SYN3: variants seen among roughly 807,000 people sequenced by gnomAD.
The protein encoded by SYN3 is synapsin III, also known as synapsin-3.
Under a neutral mutation model 65.8 loss-of-function variants are expected in SYN3, and 35 were observed. The observed-to-expected ratio is 0.53, with a 90% CI of 0.41 to 0.70. The LOEUF is 0.70. SYN3 is among the 30% of genes least tolerant of loss of function. SYN3 has a pLI of 0.00. For missense variants in SYN3, 680 were observed against 749.0 expected (o/e 0.91, Z 1.08); for synonymous variants, 270 against 292.9 (o/e 0.92, Z 0.80).
rs548261409 is a variant in SYN3, at chr22:32,565,099, G to A, written c.775-23386C>T. Among the ~76,000 whole-genome samples, 12 of 149,352 alleles carry A rather than the reference G, an allele frequency of 8.0e-5. No individual in the cohort carries two copies. The East Asian group carries it at 2.2e-3, about 28-fold the overall frequency. Reference sequence around the variant, plus strand: ...CTGACTGTACACAAACAGTGCTCCCGGACTGCACCCAGACAGTGCTCCCGG... The same window carrying A: ...CTGACTGTACACAAACAGTGCTCCCAGACTGCACCCAGACAGTGCTCCCGG... On this transcript the variant is annotated intron_variant, in intron 7 of 13. Coordinates refer to ENST00000358763, the MANE Select transcript of SYN3 (RefSeq NM_003490.4).
intron 7 of SYN3, among the ~76,000 whole-genome samples, chr22:32,566,604 T>C (rs181456702): frequency 6.6e-6 from 1 of 152,206 alleles, no homozygotes; most frequent in East Asian, 1.9e-4. Context: ...GAAGACTTTA[T>C]CAGGATTTTC....
At chr22:32,715,393 G>A (rs1403637615) in intron 6 of SYN3, among the ~76,000 whole-genome samples, 1 of 152,132 alleles carries the variant, frequency 6.6e-6, no homozygotes, top group East Asian at 1.9e-4. Flanking sequence ...TATGGCACTG[G>A]TGTTTCCTGA....
intron 2 of SYN3, among the ~76,000 whole-genome samples, chr22:33,001,476 A>G (rs2053057671): frequency 6.6e-6 from 1 of 152,232 alleles, no homozygotes; most frequent in Non-Finnish European, 1.5e-5. Context: ...CAGGACCTAC[A>G]GGGAAGAGTG....
chr22:32,735,282 C>T (rs934864940), intron 6 of SYN3, among the ~76,000 whole-genome samples: 11 of 152,174 alleles, frequency 7.2e-5, no homozygotes, highest in African/African-American at 2.7e-4. Context: ...CTAATTTCCT[C>T]ATCAGCAAGA....
intron 7 of SYN3, among the ~76,000 whole-genome samples, chr22:32,542,630 ATGTGTG>A (rs3838157): frequency 7.4e-5 from 10 of 135,314 alleles, no homozygotes; most frequent in East Asian, 2.2e-4. Context: ...GTTTGTGTGT[ATGTGTG>A]TGTGTGTGTG....
chr22:32,578,702 T>C (rs960614237), intron 7 of SYN3, among the ~76,000 whole-genome samples: 9 of 152,256 alleles, frequency 5.9e-5, no homozygotes, highest in Admixed American at 4.6e-4. Flanking sequence ...GTAAAACTTA[T>C]CTTGGTCAAT....
At chr22:32,693,394 C>T (rs1396075952) in intron 6 of SYN3, among the ~76,000 whole-genome samples, 6 of 152,120 alleles carry the variant, frequency 3.9e-5, no homozygotes, top group Middle Eastern at 3.4e-3. Context: ...GAGATTTCGT[C>T]GTGCTACTCA....
At chr22:32,909,778 G>T (rs893815953) in intron 4 of SYN3, among the ~76,000 whole-genome samples, 2 of 152,026 alleles carry the variant, frequency 1.3e-5, no homozygotes, top group African/African-American at 4.8e-5. Context: ...GCTCAAGTCC[G>T]ACCATCACGG....
intron 6 of SYN3, among the ~76,000 whole-genome samples, chr22:32,738,017 G>C (rs2061356587): frequency 6.6e-6 from 1 of 152,076 alleles, no homozygotes; most frequent in African/African-American, 2.4e-5. Flanking sequence ...AGATTCCCAG[G>C]GTTTTTCTGT....
At chr22:32,696,420 A>G (rs144870998) in intron 6 of SYN3, among the ~76,000 whole-genome samples, 3 of 152,358 alleles carry the variant, frequency 2.0e-5, no homozygotes, top group Non-Finnish European at 4.4e-5. Flanking sequence ...GTGAGCAGTT[A>G]ATCATCTTAG....
chr22:32,613,888 C>T lies in SYN3; in HGVS notation c.712-17152G>A, dbSNP rs147126855. Among the ~76,000 whole-genome samples, 10 of 152,278 alleles carry T rather than the reference C, an allele frequency of 6.6e-5. 1 individual carries two copies. The South Asian group carries it at 8.3e-4, about 13-fold the overall frequency. On this transcript the variant is annotated intron_variant, in intron 6 of 13. Transcript: ENST00000358763. ...TCTCCTTCACCCTTCCTTCCACCTA[C>T]GGAAGAGGCTGCAAAACACAGTGAG...
At position 32,980,675 on chromosome 22, in the gene SYN3, C is replaced by T. The variant is rs770613209; in HGVS notation, c.339G>A (p.Val113=). The change falls in exon 3 of 14, where the codon GTG becomes GTA. Residue 113 remains valine (V), a synonymous_variant. Coordinates refer to ENST00000358763, the MANE Select transcript of SYN3 (RefSeq NM_003490.4). ...DWSKYFHGKK[V]NGEIEIRVEQ... ...CCACTCGGATCTCAATCTCTCCATT[C>T]ACCTTCTTCCCATGGAAATACTTCG... is the stretch of plus-strand genomic sequence containing the variant. 5.6e-6 allele frequency: 9 copies of T among 1,614,026 alleles called. No homozygotes were observed. Among genetic ancestry groups the T allele is most frequent in the Admixed American group, 1.7e-5 (1 of 60,024 alleles).
intron 6 of SYN3, among the ~76,000 whole-genome samples, chr22:32,821,110 A>G (rs2047235333): frequency 6.6e-6 from 1 of 152,206 alleles, no homozygotes; most frequent in Non-Finnish European, 1.5e-5. Flanking sequence ...AAGGGTTTGG[A>G]GAGACAGTGG....
At chr22:32,578,312 T>A (rs904685242) in intron 7 of SYN3, among the ~76,000 whole-genome samples, 1 of 152,062 alleles carries the variant, frequency 6.6e-6, no homozygotes, top group South Asian at 2.1e-4. Context: ...AGTGGCATGA[T>A]CATGGCTCCC....
At chr22:32,682,421 G>A (rs2060536481) in intron 6 of SYN3, among the ~76,000 whole-genome samples, 1 of 152,120 alleles carries the variant, frequency 6.6e-6, no homozygotes, top group Non-Finnish European at 1.5e-5. Flanking sequence ...AGACTATAAG[G>A]ATAAGGGCAA....
Position 32,868,999 on chromosome 22 carries a change from G to A in SYN3, c.588C>T (p.Tyr196=). ...GCTTGCTGCAGAAGTTGTAGACGGA[G>A]TAGAGAGAGTTGACAGCAGGCAGCC... ...YGGLPAVNSL[Y]SVYNFCSKPW... is the part of the protein sequence containing the mutation. The change falls in exon 5 of 14, where the codon TAC becomes TAT. Residue 196 remains tyrosine, a synonymous_variant. Transcript: ENST00000358763. 2 of 1,614,088 alleles carry A rather than the reference G, an allele frequency of 1.2e-6. No homozygotes were observed. The highest frequency in any genetic ancestry group is 2.2e-5 in the East Asian group (1 of 44,856).
Position 32,988,802 on chromosome 22 carries a change from G to A in SYN3, c.312-8100C>T, listed in dbSNP as rs144248688. Among the ~76,000 whole-genome samples, 515 of 152,188 alleles carry A rather than the reference G, an allele frequency of 3.4e-3. 2 individuals carry two copies. The highest frequency in any genetic ancestry group is 0.011 in the African/African-American group (470 of 41,508). On this transcript the variant is annotated intron_variant, in intron 2 of 13. Coordinates refer to ENST00000358763, the MANE Select transcript of SYN3 (RefSeq NM_003490.4). ...ATGTGTGTGTCTGCCAAAAGGACAC[G>A]GGCAAGGGCAAAGGAAGTAGGTACG...
intron 6 of SYN3, among the ~76,000 whole-genome samples, chr22:32,695,187 C>A (rs5994606): frequency 0.04 from 6,101 of 152,142 alleles, 388 homozygotes; most frequent in African/African-American, 0.13. Context: ...TTCATATTTC[C>A]TAAGTATTTT....
At chr22:32,578,006 G>T (rs1309949363) in intron 7 of SYN3, among the ~76,000 whole-genome samples, 1 of 152,184 alleles carries the variant, frequency 6.6e-6, no homozygotes, top group African/African-American at 2.4e-5. Flanking sequence ...TAGCATGTAA[G>T]CTGCATGGGG....
Sources: allele counts gnomAD v4.1 joint callset (sites outside exome capture counted in the v4.1 genomes callset), GRCh38; gene constraint gnomAD v4.1.1; transcripts MANE v1.5; gene names NCBI Gene and HGNC (gene_info 2026-07-23, HGNC 2026-07-21).